Variants in CHD5 observed in about 807,000 individuals in gnomAD.
CHD5 encodes the protein ATP-dependent chromatin remodeler CHD5.
In CHD5, 69 loss-of-function variants were observed where a neutral mutation model predicts 230.3. That is an observed-to-expected ratio of 0.30 (90% CI 0.25 to 0.37). CHD5 has a LOEUF of 0.37. Ranked by LOEUF, CHD5 falls within the 10% of genes least tolerant of loss-of-function variation. The pLI, the probability that CHD5 is intolerant of heterozygous loss-of-function variation, is 1.00. For missense variants in CHD5, 1,827 were observed against 2,622.8 expected, an observed-to-expected ratio of 0.70 and a Z score of 6.63; for synonymous variants, 1,064 against 1,065.9, an observed-to-expected ratio of 1.00 and a Z score of 0.03.
At position 6,151,162 on chromosome 1, in the gene CHD5, G is replaced by A. The variant is rs376419356; in HGVS notation, c.871-7C>T. The A allele has an allele frequency of 8.1e-6, 13 of 1,601,490 alleles. No individual in the cohort carries two copies. In the African/African-American group the frequency reaches 1.5e-4, roughly 18 times the overall value. ...CCCTCTCATCTTCTTCACTCTGCAGGGGAAGACAGGGTCCTGTGATCCCAG... is the reference window on the plus strand; with the variant it reads ...CCCTCTCATCTTCTTCACTCTGCAGAGGAAGACAGGGTCCTGTGATCCCAG... On this transcript the variant is annotated splice_polypyrimidine_tract_variant and splice_region_variant and intron_variant, in intron 6 of 41. Coordinates refer to ENST00000262450, the MANE Select transcript of CHD5 (RefSeq NM_015557.3).
intron 37 of CHD5, 84 bp from the exon 38 acceptor site, chr1:6,110,074 G>C: frequency 1.6e-6 from 2 of 1,264,846 alleles, no homozygotes; most frequent in South Asian, 1.5e-5. Flanking sequence ...CCCAGGCCAA[G>C]GCTCCCGGCA....
intron 15 of CHD5, among the ~76,000 whole-genome samples, chr1:6,140,417 A>T (rs562890309): frequency 3.3e-5 from 5 of 150,944 alleles, no homozygotes; most frequent in African/African-American, 9.7e-5. Context: ...AAAAGAAAAG[A>T]AAAAGAAAAA....
In CHD5 at chr1:6,126,048, C is replaced by T. The variant is rs549203697; in HGVS notation, c.4079-190G>A. On this transcript the variant is annotated intron_variant, in intron 26 of 41. Coordinates refer to ENST00000262450, the MANE Select transcript of CHD5 (RefSeq NM_015557.3). This position sits in a 1 kb window ranked among gnomAD's most constrained non-coding sequence, Gnocchi z 5.7. ...ACCACCACGTTATACACTAAGGGTA[C>T]CATGTGTACCCACACATTACACATA... is the stretch of plus-strand genomic sequence containing the variant. Among the ~76,000 whole-genome samples the T allele has an allele frequency of 6.6e-6, 1 of 152,276 alleles. No individual in the cohort carries two copies. The highest frequency in any genetic ancestry group is 2.4e-5 in the African/African-American group (1 of 41,548).
intron 37 of CHD5, 117 bp from the exon 38 acceptor site, chr1:6,110,107 C>G: frequency 9.9e-7 from 1 of 1,013,834 alleles, no homozygotes; most frequent in Non-Finnish European, 1.4e-6. Context: ...AGAGGACGTA[C>G]TGCCATCTGC....
rs1205880419 is a variant in CHD5 at position 6,128,579 on chromosome 1, G to A, written c.3650C>T (p.Thr1217Ile). 3.1e-6 allele frequency: 5 copies of A among 1,614,064 alleles called. No homozygotes were observed. Among genetic ancestry groups the A allele is most frequent in the Non-Finnish European group, 4.2e-6 (5 of 1,179,934 alleles). The change falls in exon 24 of 42, where the codon ACA becomes ATA. Residue 1217 changes from threonine to isoleucine, a missense_variant. By Grantham distance (89) the Thr-to-Ile change is moderately conservative (BLOSUM62 -1). Transcript: ENST00000262450. This position sits in a 1 kb window ranked among gnomAD's most constrained non-coding sequence, Gnocchi z 7.8. ...GMMSQGQRPV[T>I]PIPDVQSSKG... ...GGAGGACTGGACATCAGGGATGGGT[G>A]TGACCGGCCTCTGGCCCTGAGACAT...
chr1:6,123,588 G>A (rs753238180), intron 31 of CHD5, among the ~76,000 whole-genome samples: 5 of 151,978 alleles, frequency 3.3e-5, no homozygotes, highest in Non-Finnish European at 5.9e-5. Flanking sequence ...CACCATGCCC[G>A]GCTAATCTTT....
Position 6,155,565 on chromosome 1 carries a change from C to CG in CHD5, c.506+33dup. The CG allele has an allele frequency of 6.5e-7, 1 of 1,540,438 alleles. No homozygotes were observed. The highest frequency in any genetic ancestry group is 9.0e-7 in the Non-Finnish European group (1 of 1,113,590). ...CGACTTGGTACCACCAGAGGATGTG[C>CG]GGGCCTGGAGAACAGCCCTAGTGCC... On this transcript the variant is annotated intron_variant, in intron 4 of 41. Transcript: ENST00000262450. The surrounding 1 kb of genome is among the most constrained non-coding windows in gnomAD (Gnocchi z 4.0).
In CHD5 at chr1:6,155,112, A is replaced by C. The variant is rs61760799; in HGVS notation, c.507-214T>G. On this transcript the variant is annotated intron_variant, in intron 4 of 41. Transcript: ENST00000262450. The surrounding 1 kb of genome is among the most constrained non-coding windows in gnomAD (Gnocchi z 4.0). Reference sequence around the variant, plus strand: ...CACACCCACAGCCCACCCCCAAAACACCCAGCTTCCTGTCCACACCCACAG... The same window carrying C: ...CACACCCACAGCCCACCCCCAAAACCCCCAGCTTCCTGTCCACACCCACAG... 6.3e-5 allele frequency among the ~76,000 whole-genome samples: 2 copies of C among 31,836 alleles called. No homozygotes were observed. Among genetic ancestry groups the C allele is most frequent in the East Asian group, 5.9e-4 (1 of 1,696 alleles). The allele number at this position is 31,836 out of a possible 152,430, so 20.9% of individuals were successfully genotyped here. A position where few individuals can be genotyped will look rare whatever the true frequency, so the allele number is the denominator to read the frequency against.
intron 1 of CHD5, among the ~76,000 whole-genome samples, chr1:6,174,994 G>A (rs1328612514): frequency 6.7e-6 from 1 of 148,212 alleles, no homozygotes; most frequent in Non-Finnish European, 1.5e-5. Context: ...TGGATGGATG[G>A]ATGGCAGATG....
Position 6,130,102 on chromosome 1 carries a change from T to G in CHD5, c.3387+102A>C. On this transcript the variant is annotated intron_variant, in intron 22 of 41. Transcript: ENST00000262450. The surrounding 1 kb of genome is among the most constrained non-coding windows in gnomAD (Gnocchi z 4.9). Reference sequence around the variant, plus strand: ...GGGAGGGAGGCCCACAGCACCAGGATAGGTGAGGGGGTGATGGCAAGAAGG... The same window carrying G: ...GGGAGGGAGGCCCACAGCACCAGGAGAGGTGAGGGGGTGATGGCAAGAAGG... 9.7e-6 allele frequency: 13 copies of G among 1,333,786 alleles called. No individual in the cohort carries two copies. The highest frequency in any genetic ancestry group is 2.4e-5 in the East Asian group (1 of 42,066). 82.6% of individuals were successfully genotyped at this position (1,333,786 alleles called of 1,614,324 possible). A position where few individuals can be genotyped will look rare whatever the true frequency, so the allele number is the denominator to read the frequency against.
intron 1 of CHD5, among the ~76,000 whole-genome samples, chr1:6,169,415 GT>G (rs1314352908): frequency 6.6e-6 from 1 of 152,244 alleles, no homozygotes; most frequent in African/African-American, 2.4e-5. Flanking sequence ...CGGGAAGGGA[GT>G]ATGTTTGACG....
rs1358313024 is a variant in CHD5 at position 6,140,891 on chromosome 1, C to T, written c.2436+1237G>A. 2.0e-5 allele frequency among the ~76,000 whole-genome samples: 3 copies of T among 151,676 alleles called. No individual in the cohort carries two copies. In the South Asian group the frequency reaches 6.3e-4, roughly 32 times the overall value. On this transcript the variant is annotated intron_variant, in intron 15 of 41. Transcript: ENST00000262450. ...GGTGTGTACCTGTAGTCCCAGCTCCCGGGAGGTCAAGGCTGCAGTGAGCTA... is the reference window on the plus strand; with the variant it reads ...GGTGTGTACCTGTAGTCCCAGCTCCTGGGAGGTCAAGGCTGCAGTGAGCTA...
intron 1 of CHD5, among the ~76,000 whole-genome samples, chr1:6,170,707 G>A (rs892048953): frequency 6.6e-6 from 1 of 152,246 alleles, no homozygotes; most frequent in African/African-American, 2.4e-5. Flanking sequence ...GCCAGGGGCA[G>A]GGGCTGGGCT....
chr1:6,143,998 C>G (rs753316566), intron 12 of CHD5, 26 bp downstream of exon 12: 8 of 1,614,122 alleles, frequency 5.0e-6, no homozygotes, highest in Non-Finnish European at 6.8e-6. Context: ...CAGCCTGTGC[C>G]TAGCAGCCGG....
At chr1:6,173,715 G>A (rs1413170634) in intron 1 of CHD5, among the ~76,000 whole-genome samples, 1 of 152,304 alleles carries the variant, frequency 6.6e-6, no homozygotes, top group African/African-American at 2.4e-5. Context: ...GGGTCAGGGC[G>A]GCAGTGGTGA....
At chr1:6,135,091 A>G in intron 18 of CHD5, 139 bp downstream of exon 18, 1 of 1,068,724 alleles carries the variant, frequency 9.4e-7, no homozygotes, top group Non-Finnish European at 1.4e-6. Flanking sequence ...AAGAGGCCCC[A>G]CGAAGAAAGT....
rs1666167087 is a variant in CHD5 at position 6,106,388 on chromosome 1, C to T, written c.5857+7G>A. 3 of 1,604,218 alleles carry T rather than the reference C, an allele frequency of 1.9e-6. No homozygotes were observed. The highest frequency in any genetic ancestry group is 2.7e-5 in the African/African-American group (2 of 74,878). On this transcript the variant is annotated splice_region_variant and intron_variant, in intron 40 of 41. Transcript: ENST00000262450. Reference sequence around the variant, plus strand: ...GTGCATGCTGCCCGGAGCGGACGGGCACCTACCGGTCACATAGGGCCCCAG... The same window carrying T: ...GTGCATGCTGCCCGGAGCGGACGGGTACCTACCGGTCACATAGGGCCCCAG...
chr1:6,127,901 G>C lies in CHD5; in HGVS notation c.3903+145C>G, dbSNP rs1376548648. The C allele has an allele frequency of 7.2e-6, 5 of 692,534 alleles. No homozygotes were observed. The Admixed American group carries it at 1.0e-4, about 14-fold the overall frequency. The allele number at this position is 692,534 out of a possible 1,614,324, so 42.9% of individuals were successfully genotyped here. A position where few individuals can be genotyped will look rare whatever the true frequency, so the allele number is the denominator to read the frequency against. ...GTGCGGGGCACAGCAGGGAGGGCGG[G>C]GCTGCGGCTGGAGGGCGGGGTCACA... On this transcript the variant is annotated intron_variant, in intron 25 of 41. Coordinates refer to ENST00000262450, the MANE Select transcript of CHD5 (RefSeq NM_015557.3).
At position 6,102,018 on chromosome 1, in the gene CHD5, T is replaced by C. The variant is rs1241344791; in HGVS notation, c.*3456A>G. On this transcript the variant is annotated 3_prime_UTR_variant, in exon 42 of 42. Transcript: ENST00000262450. ...CTTGCACCCAGCCCAGGGCCCTCCC[T>C]TTGCCAGCCTGGGGCTGTGCCTGGG... 2.6e-6 allele frequency: 1 copy of C among 389,682 alleles called. No individual in the cohort carries two copies. The allele number at this position is 389,682 out of a possible 1,614,324, so 24.1% of individuals were successfully genotyped here.
Sources: gnomAD v4.1 joint callset for allele counts (sites outside exome capture counted in the v4.1 genomes callset) on GRCh38, gnomAD v4.1.1 for gene constraint, Gnocchi (gnomAD v3.1) non-coding constraint, MANE v1.5 for transcripts, NCBI Gene and HGNC (gene_info 2026-07-23, HGNC 2026-07-21) for gene names.